The following STK32B variants were observed in gnomAD, a reference collection of about 807,000 sequenced individuals.
STK32B encodes the protein serine/threonine-protein kinase 32B.
In STK32B, 43 loss-of-function variants were observed where a neutral mutation model predicts 52.6. The ratio of observed to expected loss-of-function variants is 0.82; its 90% CI spans 0.64 to 1.05. The LOEUF is 1.05. Ranked by LOEUF, STK32B falls within the 50% of genes least tolerant of loss-of-function variation. STK32B has a pLI of 0.00. For missense variants in STK32B, 621 were observed against 534.6 expected, an observed-to-expected ratio of 1.16 and a Z score of -1.59; for synonymous variants, 238 against 204.3, an observed-to-expected ratio of 1.17 and a Z score of -1.41.
rs754612675 is a variant in STK32B, at chr4:5,331,353, C to A, written c.394C>A (p.Leu132Met). Residue 132 changes from leucine to methionine, a missense_variant, in exon 4 of 12, where the codon CTG becomes ATG. Leu to Met is a conservative substitution (Grantham distance 15). Transcript: ENST00000282908. Reference protein sequence around the residue: ...TVKLYICELALALEYLQRYHI... With the variant: ...TVKLYICELAMALEYLQRYHI... ...GAAACTCTACATCTGTGAGCTGGCA[C>A]TGGCCCTGGAGTATCTTCAGAGGTA... 5 of 1,613,740 alleles carry A rather than the reference C, an allele frequency of 3.1e-6. No homozygotes were observed. The highest frequency in any genetic ancestry group is 4.2e-6 in the Non-Finnish European group (5 of 1,179,826).
intron 2 of STK32B, among the ~76,000 whole-genome samples, chr4:5,142,829 G>A (rs1577100722): frequency 6.6e-6 from 1 of 152,202 alleles, no homozygotes; most frequent in Non-Finnish European, 1.5e-5. Flanking sequence ...TGAGATTAAT[G>A]TTTAAATCAG....
intron 9 of STK32B, among the ~76,000 whole-genome samples, chr4:5,462,258 TTG>T (rs1465377155): frequency 6.6e-6 from 1 of 151,164 alleles, no homozygotes; most frequent in Non-Finnish European, 1.5e-5. Context: ...GCCTCTGTTT[TTG>T]TGTCTGTATG....
intron 3 of STK32B, among the ~76,000 whole-genome samples, chr4:5,289,660 A>G (rs1414148509): frequency 6.8e-6 from 1 of 146,010 alleles, no homozygotes; most frequent in African/African-American, 2.5e-5. Context: ...CTGGGAGTAC[A>G]GGCACCCACC....
At chr4:5,027,407 C>A in the STK32B span, among the ~76,000 whole-genome samples, 1 of 152,124 alleles carries the variant, frequency 6.6e-6, no homozygotes, top group African/African-American at 2.4e-5. Flanking sequence ...AGGCCTGGTA[C>A]ACAGAAAGGA....
chr4:5,073,113 C>T (rs749654970), intron 1 of STK32B, among the ~76,000 whole-genome samples: 5 of 152,030 alleles, frequency 3.3e-5, no homozygotes, highest in Non-Finnish European at 4.4e-5. Context: ...GCCTGGAAAC[C>T]TCTGCCTTTT....
chr4:5,416,995 C>T, intron 6 of STK32B, 61 bp downstream of exon 6: 3 of 1,476,542 alleles, frequency 2.0e-6, no homozygotes, highest in South Asian at 2.5e-5. Flanking sequence ...ACTCAGCATC[C>T]TTCTCTTGTT....
At chr4:5,340,163 G>T (rs1463256606) in intron 4 of STK32B, among the ~76,000 whole-genome samples, 1 of 152,144 alleles carries the variant, frequency 6.6e-6, no homozygotes, top group Non-Finnish European at 1.5e-5. Flanking sequence ...ACCAGCTCCT[G>T]GGAAGAAAAT....
intron 1 of STK32B, among the ~76,000 whole-genome samples, chr4:5,127,784 A>G (rs938012810): frequency 3.3e-5 from 5 of 152,158 alleles, no homozygotes; most frequent in Non-Finnish European, 7.3e-5. Context: ...ATCTTGAATT[A>G]TAGCTCCCAT....
intron 1 of STK32B, among the ~76,000 whole-genome samples, chr4:5,066,960 A>G (rs1039939441): frequency 7.2e-5 from 11 of 152,148 alleles, no homozygotes; most frequent in African/African-American, 2.4e-4. Flanking sequence ...GTAATATTGC[A>G]TTTACTCTTG....
intron 4 of STK32B, among the ~76,000 whole-genome samples, chr4:5,377,545 A>T (rs923551898): frequency 6.6e-6 from 1 of 152,224 alleles, no homozygotes; most frequent in Non-Finnish European, 1.5e-5. Flanking sequence ...TGCTTTCCAC[A>T]AAAGATATCC....
intron 2 of STK32B, among the ~76,000 whole-genome samples, chr4:5,140,753 ACCTC>A (rs984733272): frequency 6.6e-6 from 1 of 151,346 alleles, no homozygotes; most frequent in Non-Finnish European, 1.5e-5. Context: ...GACCCAGACA[ACCTC>A]CCTCCCTCCC....
At chr4:5,171,995 T>C (rs963294855) in intron 3 of STK32B, among the ~76,000 whole-genome samples, 1 of 151,930 alleles carries the variant, frequency 6.6e-6, no homozygotes, top group African/African-American at 2.4e-5. Flanking sequence ...GAGCAGTGGT[T>C]TGTAGTTCTC....
At chr4:5,381,642 G>C (rs1359444192) in intron 4 of STK32B, among the ~76,000 whole-genome samples, 3 of 152,220 alleles carry the variant, frequency 2.0e-5, no homozygotes, top group East Asian at 3.9e-4. Flanking sequence ...CAGAGGTGTG[G>C]ATTCAGGAAA....
intron 4 of STK32B, among the ~76,000 whole-genome samples, chr4:5,370,694 A>C (rs1033386160): frequency 6.6e-6 from 1 of 152,086 alleles, no homozygotes; most frequent in South Asian, 2.1e-4. Context: ...AAAATTGTTT[A>C]AAAAAATTAT....
rs963136738 is a variant in STK32B, at chr4:5,096,728, C to T, written c.53-43177C>T. Among the ~76,000 whole-genome samples, 15 of 152,294 alleles carry T rather than the reference C, an allele frequency of 9.8e-5. No individual in the cohort carries two copies. The Middle Eastern group carries it at 0.014, about 138-fold the overall frequency. On this transcript the variant is annotated intron_variant, in intron 1 of 11. Coordinates refer to ENST00000282908, the MANE Select transcript of STK32B (RefSeq NM_018401.3). The stretch of plus-strand genomic sequence containing the variant: ...CCTGAGCTTGTAGGAAGGGGGAGGG[C>T]GGCGTTTACATTTGTCAGCCCACAT...
Position 5,482,005 on chromosome 4 carries a change from A to G in STK32B, c.1106+13935A>G, listed in dbSNP as rs142108757. On this transcript the variant is annotated intron_variant, in intron 11 of 11. Transcript: ENST00000282908. Reference sequence around the variant, plus strand: ...TACTGTAGTCTTGTAGTACAGTTTGAAGTCAGGTAGTGTGATGCCTCCAGC... The same window carrying G: ...TACTGTAGTCTTGTAGTACAGTTTGGAGTCAGGTAGTGTGATGCCTCCAGC... 1.2e-3 allele frequency among the ~76,000 whole-genome samples: 189 copies of G among 152,268 alleles called. 4 individuals are homozygous for G. In the East Asian group the frequency reaches 0.029, roughly 24 times the overall value.
At chr4:5,294,425 TG>T (rs1302845254) in intron 3 of STK32B, among the ~76,000 whole-genome samples, 7 of 152,324 alleles carry the variant, frequency 4.6e-5, no homozygotes, top group African/African-American at 1.4e-4. Flanking sequence ...TTTTTCCATT[TG>T]TTTGTGTCCT....
chr4:5,231,879 G>T (rs1473302034), intron 3 of STK32B, among the ~76,000 whole-genome samples: 4 of 152,148 alleles, frequency 2.6e-5, no homozygotes, highest in Non-Finnish European at 5.9e-5. Context: ...GGGGAGGAAG[G>T]ATTAGCAGAG....
chr4:5,451,899 G>A (rs1319376895), intron 7 of STK32B, among the ~76,000 whole-genome samples: 1 of 152,178 alleles, frequency 6.6e-6, no homozygotes, highest in African/African-American at 2.4e-5. Context: ...GCACCCCCAT[G>A]GAGTGGGATT....
Sources: gnomAD v4.1 joint callset for allele counts (sites outside exome capture counted in the v4.1 genomes callset) on GRCh38, gnomAD v4.1.1 for gene constraint, MANE v1.5 for transcripts, NCBI Gene and HGNC (gene_info 2026-07-23, HGNC 2026-07-21) for gene names.